The following AGBL4 variants were observed in gnomAD, a reference collection of about 807,000 sequenced individuals.
The protein encoded by AGBL4 is AGBL carboxypeptidase 4.
AGBL4 carries 58 observed loss-of-function variants against 66.4 expected under a neutral mutation model. That is an observed-to-expected ratio of 0.87 (90% CI 0.71 to 1.09). The LOEUF (loss-of-function observed/expected upper bound fraction) is 1.09. Among genes scored for constraint, AGBL4 ranks in the 50% least tolerant of loss-of-function variants. The pLI, the probability that AGBL4 is intolerant of heterozygous loss-of-function variation, is 0.00. For synonymous variants in AGBL4, 234 were observed against 222.9 expected (o/e 1.05, Z -0.44); for missense variants, 579 against 631.0 (o/e 0.92, Z 0.88).
At chr1:49,901,086 T>C (rs943884164) in intron 1 of AGBL4, among the ~76,000 whole-genome samples, 3 of 152,174 alleles carry the variant, frequency 2.0e-5, no homozygotes, top group Non-Finnish European at 4.4e-5. Flanking sequence ...TTTTCTTCTT[T>C]TATCACTCTA....
At chr1:48,962,165 A>G (rs1368202735) in intron 5 of AGBL4, among the ~76,000 whole-genome samples, 1 of 151,542 alleles carries the variant, frequency 6.6e-6, no homozygotes, top group East Asian at 1.9e-4. Flanking sequence ...GTATTTGTTG[A>G]ATGTTACGAA....
intron 3 of AGBL4, among the ~76,000 whole-genome samples, chr1:49,528,035 G>A (rs750325361): frequency 1.4e-4 from 22 of 152,000 alleles, no homozygotes; most frequent in Non-Finnish European, 2.4e-4. Flanking sequence ...AGGAGAGACA[G>A]CAAGTCTCTG....
chr1:49,114,462 A>C (rs1645475225), intron 4 of AGBL4, among the ~76,000 whole-genome samples: 1 of 152,236 alleles, frequency 6.6e-6, no homozygotes, highest in African/African-American at 2.4e-5. Flanking sequence ...TCTCCAAATC[A>C]GCAATAAGGC....
At chr1:49,259,887 A>T (rs1188596526) in intron 3 of AGBL4, among the ~76,000 whole-genome samples, 215 of 144,782 alleles carry the variant, frequency 1.5e-3, no homozygotes, top group African/African-American at 5.2e-3. Context: ...CCTATTCCAA[A>T]ATTGACCACA....
At chr1:49,688,726 G>A (rs1181093375) in intron 3 of AGBL4, among the ~76,000 whole-genome samples, 2 of 151,950 alleles carry the variant, frequency 1.3e-5, no homozygotes, top group Admixed American at 6.6e-5. Flanking sequence ...CCATATCCTC[G>A]CCAGCATTTG....
intron 8 of AGBL4, among the ~76,000 whole-genome samples, chr1:48,635,559 G>C (rs570426671): frequency 6.6e-6 from 1 of 152,344 alleles, no homozygotes; most frequent in South Asian, 2.1e-4. Context: ...ACTGAGTTCA[G>C]TCCCCCTGTT....
intron 3 of AGBL4, among the ~76,000 whole-genome samples, chr1:49,460,453 G>A (rs1316615720): frequency 6.6e-6 from 1 of 151,468 alleles, no homozygotes; most frequent in Admixed American, 6.6e-5. Flanking sequence ...TCTTTTTCCA[G>A]CCCTTTTCCT....
At chr1:49,195,112 G>A (rs144248835) in intron 4 of AGBL4, among the ~76,000 whole-genome samples, 4 of 152,210 alleles carry the variant, frequency 2.6e-5, no homozygotes, top group African/African-American at 7.2e-5. Context: ...AAAATGTCGA[G>A]ATTGAAGGTG....
chr1:48,759,093 C>A, intron 6 of AGBL4: 2 of 1,612,408 alleles, frequency 1.2e-6, no homozygotes, highest in Non-Finnish European at 1.7e-6. Context: ...GCAGCAGCTC[C>A]TCATACAGAG....
intron 1 of AGBL4, among the ~76,000 whole-genome samples, chr1:49,888,337 TG>T (rs1648278320): frequency 6.6e-6 from 1 of 152,194 alleles, no homozygotes; most frequent in African/African-American, 2.4e-5. Flanking sequence ...CACTATGTAC[TG>T]ATCAGACCAT....
chr1:49,941,805 T>C lies in AGBL4; in HGVS notation c.34+81958A>G, dbSNP rs370435149. ...CTCAACAGAGAAAAATTGAAAGCTT[T>C]TCCTCCAAGGTCAGGAACAACACAA... On this transcript the variant is annotated intron_variant, in intron 1 of 13. Coordinates refer to ENST00000371839, the MANE Select transcript of AGBL4 (RefSeq NM_032785.4). Among the ~76,000 whole-genome samples the C allele has an allele frequency of 1.4e-3, 209 of 152,156 alleles. 1 individual carries two copies. Among genetic ancestry groups the C allele is most frequent in the African/African-American group, 4.7e-3 (197 of 41,556 alleles).
chr1:48,894,025 C>T lies in AGBL4; in HGVS notation c.595-26795G>A, dbSNP rs183255145. On this transcript the variant is annotated intron_variant, in intron 5 of 13. Coordinates refer to ENST00000371839, the MANE Select transcript of AGBL4 (RefSeq NM_032785.4). ...TTCATCATGTACTGGCCACCAGAGT[C>T]GCAAATGTTGGCCAACATCAGGAGG... 3.1e-3 allele frequency among the ~76,000 whole-genome samples: 475 copies of T among 152,270 alleles called. 3 individuals are homozygous for T. The highest frequency in any genetic ancestry group is 0.01 in the African/African-American group (423 of 41,552).
chr1:49,073,443 C>G lies in AGBL4; in HGVS notation c.378-27643G>C, dbSNP rs573551366. 1.2e-4 allele frequency among the ~76,000 whole-genome samples: 18 copies of G among 152,022 alleles called. No individual in the cohort carries two copies. The South Asian group carries it at 3.1e-3, about 26-fold the overall frequency. On this transcript the variant is annotated intron_variant, in intron 4 of 13. Transcript: ENST00000371839. ...ACTGATGAGGTTTTGGTGTAGATGT[C>G]CTTTTTGTTGATGTTGATGCTATTC...
chr1:48,890,008 G>GTGTA (rs1210776196), intron 5 of AGBL4, among the ~76,000 whole-genome samples: 1 of 151,878 alleles, frequency 6.6e-6, no homozygotes, highest in Non-Finnish European at 1.5e-5. Flanking sequence ...GTGTGTGTGT[G>GTGTA]TGTGTGTGTG....
chr1:48,616,171 G>C (rs1383773324), intron 9 of AGBL4, among the ~76,000 whole-genome samples: 8 of 152,184 alleles, frequency 5.3e-5, no homozygotes, highest in African/African-American at 1.9e-4. Context: ...TGCCCTGGCA[G>C]CTTGTCAGAA....
At chr1:48,535,523 A>T (rs1643955448) in intron 12 of AGBL4, among the ~76,000 whole-genome samples, 1 of 152,158 alleles carries the variant, frequency 6.6e-6, no homozygotes, top group African/African-American at 2.4e-5. Flanking sequence ...TAGGTGCTTG[A>T]GGAGTATTTG....
rs963764150 is a variant in AGBL4 at position 49,504,963 on chromosome 1, T to C, written c.282+192350A>G. Among the ~76,000 whole-genome samples, 14 of 152,010 alleles carry C rather than the reference T, an allele frequency of 9.2e-5. 1 individual carries two copies. The highest frequency in any genetic ancestry group is 3.4e-4 in the African/African-American group (14 of 41,448). On this transcript the variant is annotated intron_variant, in intron 3 of 13. Coordinates refer to ENST00000371839, the MANE Select transcript of AGBL4 (RefSeq NM_032785.4). ...TGTCTTCCCTGTGATTAAATGATTTTCTGTAGTGGTATGCTTTGATTCTTT... is the reference window on the plus strand; with the variant it reads ...TGTCTTCCCTGTGATTAAATGATTTCCTGTAGTGGTATGCTTTGATTCTTT...
In AGBL4 at chr1:48,653,283, C is replaced by T; in HGVS notation, c.839+54G>A. 9 of 1,369,262 alleles carry T rather than the reference C, an allele frequency of 6.6e-6. No homozygotes were observed. In the South Asian group the frequency reaches 1.1e-4, roughly 16 times the overall value. 84.8% of individuals were successfully genotyped at this position (1,369,262 alleles called of 1,614,324 possible). A position where few individuals can be genotyped will look rare whatever the true frequency, so the allele number is the denominator to read the frequency against. ...ATATATCCCGTATTTTTTCTTGCTT[C>T]CATACTACCATCCTATAAGTACTTG... On this transcript the variant is annotated intron_variant, in intron 8 of 13. Transcript: ENST00000371839.
intron 3 of AGBL4, among the ~76,000 whole-genome samples, chr1:49,471,477 A>G (rs1235335542): frequency 6.6e-6 from 1 of 151,902 alleles, no homozygotes. Context: ...CTTGGACTTT[A>G]TACACAACAA....
Sources: gnomAD v4.1 joint callset for allele counts (sites outside exome capture counted in the v4.1 genomes callset) on GRCh38, gnomAD v4.1.1 for gene constraint, MANE v1.5 for transcripts, NCBI Gene and HGNC (gene_info 2026-07-23, HGNC 2026-07-21) for gene names.